PRUNE2: variants seen among roughly 807,000 people sequenced by gnomAD.
PRUNE2 encodes the protein protein prune homolog 2.
Under a neutral mutation model 252.0 loss-of-function variants are expected in PRUNE2, and 164 were observed. The ratio of observed to expected loss-of-function variants is 0.65; its 90% CI spans 0.57 to 0.74. The LOEUF (loss-of-function observed/expected upper bound fraction) is 0.74, where lower values mean the gene tolerates loss of function less well. Ranked by LOEUF, PRUNE2 falls within the 30% of genes least tolerant of loss-of-function variation. PRUNE2 has a pLI of 0.00. For synonymous variants in PRUNE2, 1,292 were observed against 1,350.2 expected (o/e 0.96, Z 0.94); for missense variants, 3,495 against 3,711.0 (o/e 0.94, Z 1.51).
In PRUNE2 at chr9:76,879,056, T is replaced by C. The variant is rs114809683; in HGVS notation, c.37-24848A>G. 4.5e-3 allele frequency among the ~76,000 whole-genome samples: 686 copies of C among 152,298 alleles called. 8 individuals are homozygous for C. Among genetic ancestry groups the C allele is most frequent in the African/African-American group, 0.015 (642 of 41,560 alleles). On this transcript the variant is annotated intron_variant, in intron 1 of 18. Transcript: ENST00000376718. ...AAAAGTGAGTCAGGAAGCCTGTGCA[T>C]AGGAAAGCATTTTCCAAAGTGTGTT...
intron 9 of PRUNE2, among the ~76,000 whole-genome samples, chr9:76,678,028 C>T (rs1316187221): frequency 6.6e-6 from 1 of 152,156 alleles, no homozygotes; most frequent in Non-Finnish European, 1.5e-5. Flanking sequence ...CAGATCTATG[C>T]CAAAAGGCTC....
At chr9:76,841,890 T>C (rs1165948253) in intron 4 of PRUNE2, among the ~76,000 whole-genome samples, 2 of 152,184 alleles carry the variant, frequency 1.3e-5, no homozygotes, top group Non-Finnish European at 2.9e-5. Context: ...ATTTAAACGT[T>C]CCTGCCTGCT....
At chr9:76,826,544 G>A (rs762731622) in intron 5 of PRUNE2, 36 bp downstream of exon 5, 16 of 1,481,008 alleles carry the variant, frequency 1.1e-5, no homozygotes, top group South Asian at 2.7e-5. Flanking sequence ...ATCCCTACTC[G>A]GGAGGGACAA....
intron 9 of PRUNE2, among the ~76,000 whole-genome samples, chr9:76,659,789 C>T (rs890900078): frequency 5.9e-5 from 9 of 151,680 alleles, no homozygotes; most frequent in Non-Finnish European, 8.8e-5. Flanking sequence ...TAGGGATACT[C>T]AACCATTATA....
In PRUNE2 at chr9:76,703,578, C is replaced by T. The variant is rs1259953138; in HGVS notation, c.8035G>A (p.Glu2679Lys). Residue 2679 changes from glutamate (E) to lysine (K), a missense_variant, in exon 9 of 19, where the codon GAA (glutamate) becomes AAA (lysine). By Grantham distance (56) the Glu-to-Lys change is moderately conservative (BLOSUM62 1). Coordinates refer to ENST00000376718, the MANE Select transcript of PRUNE2 (RefSeq NM_015225.3). The part of the protein sequence containing the change: ...GEGPQLQILE[E>K]MKPLESLALE... ...GCCAAAGATTCTAGAGGCTTCATTT[C>T]TTCCAGAATCTGCAGCTGGGGACCC... 1 of 1,613,742 alleles carries T rather than the reference C, an allele frequency of 6.2e-7. No homozygotes were observed.
At chr9:76,630,387 G>A (rs980066629) in intron 15 of PRUNE2, among the ~76,000 whole-genome samples, 15 of 151,874 alleles carry the variant, frequency 9.9e-5, no homozygotes, top group African/African-American at 3.1e-4. Flanking sequence ...TTTTAGAGAT[G>A]TGTAAATGCA....
chr9:76,733,378 GATTCATTCATTCATTC>G (rs34956717), intron 6 of PRUNE2, among the ~76,000 whole-genome samples: 24 of 149,026 alleles, frequency 1.6e-4, no homozygotes, highest in Non-Finnish European at 2.7e-4. Context: ...ATAAACCACA[GATTCATTCATTCATTC>G]ATTCATTCAT....
chr9:76,631,638 T>A (rs1564380515), intron 15 of PRUNE2, among the ~76,000 whole-genome samples: 1 of 152,244 alleles, frequency 6.6e-6, no homozygotes, highest in Non-Finnish European at 1.5e-5. Flanking sequence ...CTATGTGATT[T>A]CCCAATCCAG....
chr9:76,636,389 G>A (rs1211373647), intron 15 of PRUNE2, 82 bp downstream of exon 15: 1 of 773,740 alleles, frequency 1.3e-6, no homozygotes, highest in East Asian at 2.7e-5. Flanking sequence ...CTTAGTTTAT[G>A]AATTCTTGTT....
Position 76,703,425 on chromosome 9 carries a change from G to A in PRUNE2, c.8188C>T (p.Pro2730Ser), listed in dbSNP as rs2046055658. The change falls in exon 9 of 19, where the codon CCT (proline) becomes TCT (serine). Residue 2730 changes from proline (P) to serine (S), a missense_variant. By Grantham distance (74) the Pro-to-Ser change is moderately conservative. Transcript: ENST00000376718. ...DNEWEMLSPQ[P>S]VQKNMIPDTE... Reference sequence around the variant, plus strand: ...TCAGGGATCATGTTTTTCTGAACAGGCTGTGGTGAAAGCATTTCCCATTCA... The same window carrying A: ...TCAGGGATCATGTTTTTCTGAACAGACTGTGGTGAAAGCATTTCCCATTCA... 7 of 1,613,536 alleles carry A rather than the reference G, an allele frequency of 4.3e-6. No homozygotes were observed. The highest frequency in any genetic ancestry group is 5.9e-6 in the Non-Finnish European group (7 of 1,179,760).
chr9:76,710,930 G>A lies in PRUNE2; in HGVS notation c.1344C>T (p.Asp448=), dbSNP rs764714713. 2.5e-5 allele frequency: 40 copies of A among 1,569,914 alleles called. No individual in the cohort carries two copies. The highest frequency in any genetic ancestry group is 4.1e-5 in the African/African-American group (3 of 73,826). The change falls in exon 8 of 19, where the codon GAC becomes GAT. Residue 448 remains aspartate (D), a synonymous_variant. Coordinates refer to ENST00000376718, the MANE Select transcript of PRUNE2 (RefSeq NM_015225.3). ...CAGCACCTTCTCCCACGGGGCTGTC[G>A]TCACTGAGGAAAACAGAGCTCTCCT... is the stretch of plus-strand genomic sequence containing the variant. The part of the protein sequence containing the change: ...SSKESSVFLS[D]DSPVGEGAGP...
intron 6 of PRUNE2, among the ~76,000 whole-genome samples, chr9:76,814,877 C>T (rs377681194): frequency 1.1e-4 from 16 of 152,214 alleles, no homozygotes; most frequent in African/African-American, 3.9e-4. Context: ...ATTTCACTCA[C>T]TACGAGTCAA....
chr9:76,836,686 AGC>A (rs1363729656), intron 4 of PRUNE2, among the ~76,000 whole-genome samples: 10 of 152,332 alleles, frequency 6.6e-5, no homozygotes, highest in African/African-American at 2.4e-4. Flanking sequence ...AGCAAGACCT[AGC>A]TATTGTAAGA....
At position 76,675,144 on chromosome 9, in the gene PRUNE2, A is replaced by G. The variant is rs1278604967; in HGVS notation, c.8277-19642T>C. On this transcript the variant is annotated intron_variant, in intron 9 of 18. Coordinates refer to ENST00000376718, the MANE Select transcript of PRUNE2 (RefSeq NM_015225.3). The stretch of plus-strand genomic sequence containing the variant: ...GAACAGGCAACCTACAAAATGGGTG[A>G]AAATTTTCGCAACTTACTCATCTGA... Among the ~76,000 whole-genome samples the G allele has an allele frequency of 7.1e-3, 696 of 97,390 alleles. 4 individuals are homozygous for G. Among genetic ancestry groups the G allele is most frequent in the African/African-American group, 0.01 (305 of 29,838 alleles). 63.9% of individuals were successfully genotyped at this position (97,390 alleles called of 152,430 possible).
At chr9:76,832,767 CTAATA>C (rs150432649) in intron 4 of PRUNE2, among the ~76,000 whole-genome samples, 1 of 151,672 alleles carries the variant, frequency 6.6e-6, no homozygotes, top group African/African-American at 2.4e-5. Context: ...CTGGAAAAAA[CTAATA>C]TAAGGAGTTT....
chr9:76,723,424 T>A (rs1474704816), intron 6 of PRUNE2, among the ~76,000 whole-genome samples: 1 of 152,172 alleles, frequency 6.6e-6, no homozygotes, highest in Non-Finnish European at 1.5e-5. Context: ...TGACTTACGT[T>A]CAAAAACTCA....
At position 76,850,558 on chromosome 9, in the gene PRUNE2, T is replaced by C. The variant is rs761475351; in HGVS notation, c.249A>G (p.Glu83=). ...RFILEELNIS[E]SFHIFRDEIN... The stretch of plus-strand genomic sequence containing the variant: ...TTTCATCCCGGAATATGTGGAATGA[T>C]TCGGAAATATTTAGCTCTTCTAAAA... Residue 83 remains glutamate, a synonymous_variant, in exon 3 of 19, where the codon GAA becomes GAG. Coordinates refer to ENST00000376718, the MANE Select transcript of PRUNE2 (RefSeq NM_015225.3). The C allele has an allele frequency of 2.5e-5, 41 of 1,613,680 alleles. No individual in the cohort carries two copies. Among genetic ancestry groups the C allele is most frequent in the Non-Finnish European group, 3.5e-5 (41 of 1,179,702 alleles).
chr9:76,719,287 T>C lies in PRUNE2; in HGVS notation c.757-5566A>G, dbSNP rs553680995. 3.3e-5 allele frequency among the ~76,000 whole-genome samples: 5 copies of C among 152,216 alleles called. No individual in the cohort carries two copies. In the South Asian group the frequency reaches 1.0e-3, roughly 32 times the overall value. On this transcript the variant is annotated intron_variant, in intron 6 of 18. Coordinates refer to ENST00000376718, the MANE Select transcript of PRUNE2 (RefSeq NM_015225.3). ...TAATGTCCTCAAGAATAAGAGTTAA[T>C]ATAAATCAATGAAAAAAGGATATAT...
chr9:76,825,645 G>A (rs1200464320), intron 5 of PRUNE2, among the ~76,000 whole-genome samples: 2 of 152,180 alleles, frequency 1.3e-5, no homozygotes, highest in South Asian at 2.1e-4. Context: ...GTTTGATGTT[G>A]GGAAAGCAAT....
Sources: gnomAD v4.1 joint callset for allele counts (sites outside exome capture counted in the v4.1 genomes callset) on GRCh38, gnomAD v4.1.1 for gene constraint, MANE v1.5 for transcripts, NCBI Gene and HGNC (gene_info 2026-07-23, HGNC 2026-07-21) for gene names.